Variants in PRIM2 observed in about 807,000 individuals in gnomAD.
PRIM2 encodes DNA primase subunit 2.
PRIM2 carries 39 observed loss-of-function variants against 67.3 expected under a neutral mutation model. The ratio of observed to expected loss-of-function variants is 0.58; its 90% CI spans 0.45 to 0.76. The LOEUF is 0.76. Among genes scored for constraint, PRIM2 ranks in the 30% least tolerant of loss-of-function variants. The pLI is 0.00. For missense variants in PRIM2, 398 were observed against 598.7 expected (o/e 0.66, Z 3.50); for synonymous variants, 143 against 198.7 (o/e 0.72, Z 2.36).
chr6:57,589,906 G>A (rs1776257465), intron 10 of PRIM2, among the ~76,000 whole-genome samples: 1 of 152,136 alleles, frequency 6.6e-6, no homozygotes, highest in Non-Finnish European at 1.5e-5. Context: ...GCATTGGGGA[G>A]TGGATCCCCA....
intron 10 of PRIM2, among the ~76,000 whole-genome samples, chr6:57,599,845 A>T (rs1376530719): frequency 6.6e-6 from 1 of 152,202 alleles, no homozygotes; most frequent in Non-Finnish European, 1.5e-5. Context: ...AATTTTTTTT[A>T]GAGTCAGAAT....
rs1289698541 is a variant in PRIM2, at chr6:57,593,976, C to T, written c.1021-7117C>T. 5.9e-5 allele frequency among the ~76,000 whole-genome samples: 9 copies of T among 152,268 alleles called. No homozygotes were observed. In the South Asian group the frequency reaches 1.5e-3, roughly 25 times the overall value. On this transcript the variant is annotated intron_variant, in intron 10 of 13. Transcript: ENST00000615550. ...AGAATAGCTTACCAATATGTTCTTT[C>T]CCTATTTTGTGATGAACGTAACTGA... is the stretch of plus-strand genomic sequence containing the variant.
At chr6:57,312,909 C>A (rs1266164040), upstream of PRIM2, among the ~76,000 whole-genome samples, 2 of 152,184 alleles carry the variant, frequency 1.3e-5, no homozygotes, top group East Asian at 1.9e-4. Context: ...TCCCTATAGA[C>A]AGCCAATTGT....
At chr6:57,539,648 GTGTGTGTGTA>G (rs1432825114) in intron 10 of PRIM2, among the ~76,000 whole-genome samples, 4,480 of 78,780 alleles carry the variant, frequency 0.057, 210 homozygotes, top group African/African-American at 0.2. Context: ...GTGTGTGTGT[GTGTGTGTGTA>G]TATATATATA....
the PRIM2 span, among the ~76,000 whole-genome samples, chr6:57,243,756 T>C: frequency 6.6e-6 from 1 of 152,238 alleles, no homozygotes; most frequent in African/African-American, 2.4e-5. Flanking sequence ...ATTACAGGTG[T>C]GGGCCACAGC....
chr6:57,581,192 T>G (rs1776078660), intron 10 of PRIM2, among the ~76,000 whole-genome samples: 1 of 152,194 alleles, frequency 6.6e-6, no homozygotes, highest in Non-Finnish European at 1.5e-5. Context: ...TTCTTGTTTC[T>G]GTGGAGTGAA....
At chr6:57,373,221 G>GT (rs1554331289) in intron 5 of PRIM2, among the ~76,000 whole-genome samples, 19 of 144,750 alleles carry the variant, frequency 1.3e-4, no homozygotes, top group Non-Finnish European at 2.4e-4. Context: ...CACTGACATT[G>GT]TTTTTTTTTT....
chr6:57,542,041 T>C (rs1775171240), intron 10 of PRIM2, among the ~76,000 whole-genome samples: 1 of 149,414 alleles, frequency 6.7e-6, no homozygotes, highest in East Asian at 2.0e-4. Flanking sequence ...AGTGGCGCAG[T>C]CTTAGCTCAC....
intron 8 of PRIM2, among the ~76,000 whole-genome samples, chr6:57,517,505 A>G (rs1462461304): frequency 3.1e-4 from 47 of 152,296 alleles, no homozygotes; most frequent in African/African-American, 1.1e-3. Context: ...TAGTACTACT[A>G]AAGAACTGAA....
intron 2 of PRIM2, 115 bp downstream of exon 2, chr6:57,318,714 A>G: frequency 8.5e-6 from 7 of 828,130 alleles, no homozygotes; most frequent in South Asian, 1.8e-5. Context: ...ACAAGTATTT[A>G]TTGAGGTAAT....
chr6:57,277,970 C>T, the PRIM2 span, among the ~76,000 whole-genome samples: 1 of 150,988 alleles, frequency 6.6e-6, no homozygotes, highest in African/African-American at 2.4e-5. Context: ...GGTGACAGAG[C>T]GAGATTCTAT....
intron 7 of PRIM2, among the ~76,000 whole-genome samples, chr6:57,447,151 A>G (rs1772395095): frequency 1.3e-5 from 2 of 152,262 alleles, no homozygotes; most frequent in Non-Finnish European, 2.9e-5. Flanking sequence ...TATGCGATAC[A>G]TGAAAATTGA....
At chr6:57,273,557 T>A in the PRIM2 span, among the ~76,000 whole-genome samples, 1 of 152,198 alleles carries the variant, frequency 6.6e-6, no homozygotes, top group Non-Finnish European at 1.5e-5. Flanking sequence ...TTGATCTTCT[T>A]TGCCATTGGT....
intron 7 of PRIM2, among the ~76,000 whole-genome samples, chr6:57,477,573 GC>G (rs1223315573): frequency 1.3e-5 from 2 of 152,108 alleles, no homozygotes; most frequent in African/African-American, 4.8e-5. Flanking sequence ...TTATTTTTAT[GC>G]CTTGTTGACA....
At chr6:57,465,239 C>T (rs1773145317) in intron 7 of PRIM2, among the ~76,000 whole-genome samples, 1 of 152,150 alleles carries the variant, frequency 6.6e-6, no homozygotes, top group African/African-American at 2.4e-5. Context: ...CTGAAAATGT[C>T]AGACACTTGC....
In PRIM2 at chr6:57,446,382, C is replaced by A. The variant is rs543926796; in HGVS notation, c.694-61005C>A. Among the ~76,000 whole-genome samples, 267 of 141,734 alleles carry A rather than the reference C, an allele frequency of 1.9e-3. 2 individuals carry two copies. The highest frequency in any genetic ancestry group is 6.6e-3 in the African/African-American group (252 of 38,012). The allele number at this position is 141,734 out of a possible 152,430, so 93.0% of individuals were successfully genotyped here. On this transcript the variant is annotated intron_variant, in intron 7 of 13. Transcript: ENST00000615550. Reference sequence around the variant, plus strand: ...GTGCTCAGATAACTGGCAGAATTCACTGATAGCATGGGCATAGGCCTGGCA... The same window carrying A: ...GTGCTCAGATAACTGGCAGAATTCAATGATAGCATGGGCATAGGCCTGGCA...
At chr6:57,494,284 C>G (rs1296010246) in intron 7 of PRIM2, among the ~76,000 whole-genome samples, 26 of 152,182 alleles carry the variant, frequency 1.7e-4, no homozygotes, top group Non-Finnish European at 3.5e-4. Flanking sequence ...TTTGGGCAGT[C>G]AGAAGAATAG....
At chr6:57,615,649 A>AAT (rs1776742965) in intron 12 of PRIM2, among the ~76,000 whole-genome samples, 3 of 152,160 alleles carry the variant, frequency 2.0e-5, no homozygotes, top group Non-Finnish European at 4.4e-5. Context: ...TAATCCCAGC[A>AAT]CTTTGGAAGG....
At chr6:57,287,165 G>T in the PRIM2 span, among the ~76,000 whole-genome samples, 1 of 152,180 alleles carries the variant, frequency 6.6e-6, no homozygotes, top group Non-Finnish European at 1.5e-5. Context: ...TGGTAGGAGT[G>T]TAAATTAGTT....
Sources: gnomAD v4.1 joint callset for allele counts (sites outside exome capture counted in the v4.1 genomes callset) on GRCh38, gnomAD v4.1.1 for gene constraint, MANE v1.5 for transcripts, NCBI Gene and HGNC (gene_info 2026-07-23, HGNC 2026-07-21) for gene names.